Variants in IBTK observed in about 807,000 individuals in gnomAD.
IBTK encodes inhibitor of Bruton tyrosine kinase.
Under a neutral mutation model 154.9 loss-of-function variants are expected in IBTK, and 83 were observed. The ratio of observed to expected loss-of-function variants is 0.54; its 90% CI spans 0.45 to 0.64. The LOEUF is 0.64. Ranked by LOEUF, IBTK falls within the 30% of genes least tolerant of loss-of-function variation. The pLI is 0.00. For missense variants in IBTK, 1,332 were observed against 1,584.6 expected (o/e 0.84, Z 2.71); for synonymous variants, 515 against 536.1 (o/e 0.96, Z 0.54).
chr6:82,222,024 T>A (rs9361903), intron 8 of IBTK, among the ~76,000 whole-genome samples: 36,263 of 151,964 alleles, frequency 0.24, 4,387 homozygotes, highest in African/African-American at 0.28. Flanking sequence ...AAAAATTAGC[T>A]GGGCATGATG....
chr6:82,224,882 G>A (rs1770236380), intron 6 of IBTK, among the ~76,000 whole-genome samples: 1 of 152,126 alleles, frequency 6.6e-6, no homozygotes, highest in African/African-American at 2.4e-5. Flanking sequence ...ACCTCCCTTT[G>A]CTTATGAAGA....
intron 26 of IBTK, among the ~76,000 whole-genome samples, chr6:82,177,561 T>C (rs1020471869): frequency 6.6e-6 from 1 of 151,942 alleles, no homozygotes. Context: ...TACAGGCATG[T>C]GCCACCCCTG....
chr6:82,199,213 A>G (rs1174729193), intron 21 of IBTK, among the ~76,000 whole-genome samples: 1 of 151,972 alleles, frequency 6.6e-6, no homozygotes, highest in Non-Finnish European at 1.5e-5. Context: ...CAAGTGGAAC[A>G]ATTTTTTTTT....
intron 1 of IBTK, among the ~76,000 whole-genome samples, chr6:82,241,783 C>T (rs1770962160): frequency 6.6e-6 from 1 of 152,092 alleles, no homozygotes; most frequent in Non-Finnish European, 1.5e-5. Flanking sequence ...TTAGATCTTC[C>T]TTAATGTGTA....
In IBTK at chr6:82,207,288, C is replaced by T. The variant is rs113679185; in HGVS notation, c.2510-2330G>A. ...CAAAAATCAATTGTAATTCTAAACA[C>T]TAGCAAAGGACAATCCAAAAATAAA... On this transcript the variant is annotated intron_variant, in intron 16 of 28. Coordinates refer to ENST00000306270, the MANE Select transcript of IBTK (RefSeq NM_015525.4). Among the ~76,000 whole-genome samples, 891 of 152,168 alleles carry T rather than the reference C, an allele frequency of 5.9e-3. 9 individuals carry two copies. The highest frequency in any genetic ancestry group is 0.021 in the African/African-American group (852 of 41,522).
chr6:82,192,267 C>T (rs939290869), intron 23 of IBTK, among the ~76,000 whole-genome samples: 7 of 152,026 alleles, frequency 4.6e-5, no homozygotes, highest in South Asian at 2.1e-4. Context: ...AAATTCTTAC[C>T]TTTAGGTTAA....
chr6:82,228,426 G>A (rs771126049), intron 4 of IBTK, among the ~76,000 whole-genome samples: 1 of 151,984 alleles, frequency 6.6e-6, no homozygotes, highest in Non-Finnish European at 1.5e-5. Context: ...TACCTAAAAA[G>A]TTTAAAAATA....
intron 2 of IBTK, among the ~76,000 whole-genome samples, chr6:82,237,612 G>T (rs1252966987): frequency 3.3e-5 from 5 of 149,938 alleles, no homozygotes; most frequent in Non-Finnish European, 5.9e-5. Flanking sequence ...AGTAGTACTA[G>T]AAGATAGTAG....
At chr6:82,237,969 C>T (rs1460539574) in intron 2 of IBTK, among the ~76,000 whole-genome samples, 3 of 152,064 alleles carry the variant, frequency 2.0e-5, no homozygotes, top group Admixed American at 1.3e-4. Context: ...TAAGGCCAGA[C>T]ATGGTGGCTC....
At chr6:82,226,655 G>A (rs1420089309) in intron 5 of IBTK, among the ~76,000 whole-genome samples, 1 of 149,302 alleles carries the variant, frequency 6.7e-6, no homozygotes, top group African/African-American at 2.5e-5. Flanking sequence ...TGCCCAGGCT[G>A]GAGTGCAATG....
chr6:82,174,178 C>T (rs1768028736), intron 26 of IBTK, among the ~76,000 whole-genome samples: 1 of 151,864 alleles, frequency 6.6e-6, no homozygotes, highest in Non-Finnish European at 1.5e-5. Context: ...AACACAAAGT[C>T]AAACAGAGAG....
intron 3 of IBTK, among the ~76,000 whole-genome samples, chr6:82,233,097 C>T (rs961592630): frequency 6.9e-5 from 10 of 144,734 alleles, no homozygotes; most frequent in Non-Finnish European, 1.3e-4. Context: ...GCGGAGGTTG[C>T]GGTGAGCCAA....
rs1048661977 is a variant in IBTK, at chr6:82,228,653, G to T, written c.544-1351C>A. Among the ~76,000 whole-genome samples the T allele has an allele frequency of 1.3e-3, 200 of 148,306 alleles. 2 individuals carry two copies. Among genetic ancestry groups the T allele is most frequent in the African/African-American group, 4.8e-3 (191 of 40,044 alleles). On this transcript the variant is annotated intron_variant, in intron 4 of 28. Transcript: ENST00000306270. ...TTTTTTTTTTTTGAGACGGAGTCTCGCTCTGTCACCCAGGCTGGAGTGCAG... is the reference window on the plus strand; with the variant it reads ...TTTTTTTTTTTTGAGACGGAGTCTCTCTCTGTCACCCAGGCTGGAGTGCAG...
At chr6:82,246,805 C>A (rs979803769) in intron 1 of IBTK, among the ~76,000 whole-genome samples, 1 of 152,174 alleles carries the variant, frequency 6.6e-6, no homozygotes, top group African/African-American at 2.4e-5. Flanking sequence ...ACTTTATGGG[C>A]ACTGAAACAC....
intron 21 of IBTK, among the ~76,000 whole-genome samples, chr6:82,196,792 A>G (rs1430223420): frequency 6.6e-6 from 1 of 152,200 alleles, no homozygotes; most frequent in Non-Finnish European, 1.5e-5. Flanking sequence ...AAAATAATTA[A>G]AATCCAGACC....
At chr6:82,195,536 C>G (rs1228194594) in intron 22 of IBTK, among the ~76,000 whole-genome samples, 1 of 152,056 alleles carries the variant, frequency 6.6e-6, no homozygotes, top group Non-Finnish European at 1.5e-5. Context: ...TGATACTATA[C>G]CACTGCACTC....
At chr6:82,182,697 C>T (rs947798327) in intron 25 of IBTK, among the ~76,000 whole-genome samples, 1 of 152,068 alleles carries the variant, frequency 6.6e-6, no homozygotes, top group African/African-American at 2.4e-5. Flanking sequence ...TATTTAGGCA[C>T]ATAATAAATA....
Position 82,196,374 on chromosome 6 carries a change from C to T in IBTK, c.3098G>A (p.Ser1033Asn), listed in dbSNP as rs1387419446. 1 of 1,612,798 alleles carries T rather than the reference C, an allele frequency of 6.2e-7. No homozygotes were observed. The highest frequency in any genetic ancestry group is 8.5e-7 in the Non-Finnish European group (1 of 1,179,096). The change falls in exon 22 of 29, where the codon AGC becomes AAC. Residue 1033 changes from serine to asparagine, a missense_variant. Around this residue, in one of 3 missense-constraint regions of IBTK, gnomAD observed 1,134 missense variants for 1,274.7 expected, o/e 0.89. Coordinates refer to ENST00000306270, the MANE Select transcript of IBTK (RefSeq NM_015525.4). ...TCTAGGACTACCCACTCCTGCATAG[C>T]TTCCTTCAGAGTCTGATGTCAACAG... Reference protein sequence around the residue: ...PELLTSDSEGSYAGVGSPRDL... With the variant: ...PELLTSDSEGNYAGVGSPRDL...
chr6:82,196,760 A>G (rs1769003471), intron 21 of IBTK, among the ~76,000 whole-genome samples: 1 of 152,220 alleles, frequency 6.6e-6, no homozygotes, highest in South Asian at 2.1e-4. Context: ...TTTTGTCCGC[A>G]TAAGAGACAA....
Sources: gnomAD v4.1 joint callset for allele counts (sites outside exome capture counted in the v4.1 genomes callset) on GRCh38, gnomAD v4.1.1 for gene constraint, gnomAD v4.1.1 regional missense constraint, MANE v1.5 for transcripts, NCBI Gene and HGNC (gene_info 2026-07-23, HGNC 2026-07-21) for gene names.